Variants in KBTBD2 observed in about 807,000 individuals in gnomAD.
The protein encoded by KBTBD2 is kelch repeat and BTB domain containing 2, also known as kelch repeat and BTB domain-containing protein 2.
A neutral mutation model predicts 57.1 loss-of-function variants in KBTBD2; 17 were observed. The observed-to-expected ratio is 0.30, with a 90% CI of 0.20 to 0.45. The LOEUF (loss-of-function observed/expected upper bound fraction) is 0.45. Ranked by LOEUF, KBTBD2 falls within the 20% of genes least tolerant of loss-of-function variation. The probability of loss-of-function intolerance (pLI) is 1.00; values close to 1 mark genes in which losing one functional copy is unlikely to be tolerated. For missense variants in KBTBD2, 515 were observed against 750.6 expected (o/e 0.69, Z 3.67); for synonymous variants, 267 against 262.7 (o/e 1.02, Z -0.16).
chr7:32,876,343 C>G (rs1199703609), intron 2 of KBTBD2, among the ~76,000 whole-genome samples: 2 of 152,112 alleles, frequency 1.3e-5, no homozygotes, highest in African/African-American at 2.4e-5. Flanking sequence ...AGCAATTGTT[C>G]AAGGGGCATA....
chr7:32,891,905 C>T (rs1235536591), upstream of KBTBD2: 1 of 140,254 alleles, frequency 7.1e-6, no homozygotes, highest in East Asian at 2.1e-4. Context: ...CGCCCCCGCC[C>T]CCGCCGCGCG....
chr7:32,890,096 G>A (rs954846263), intron 1 of KBTBD2, among the ~76,000 whole-genome samples: 5 of 148,748 alleles, frequency 3.4e-5, no homozygotes, highest in African/African-American at 1.3e-4. Context: ...CACTCATAAA[G>A]TCTTCCTACA....
At chr7:32,885,629 C>T (rs1467106601) in intron 1 of KBTBD2, among the ~76,000 whole-genome samples, 3 of 152,052 alleles carry the variant, frequency 2.0e-5, no homozygotes, top group Non-Finnish European at 4.4e-5. Context: ...GTAAGAAAGT[C>T]CTATATTCTA....
chr7:32,886,374 A>G (rs1784582052), intron 1 of KBTBD2, among the ~76,000 whole-genome samples: 1 of 152,238 alleles, frequency 6.6e-6, no homozygotes, highest in Non-Finnish European at 1.5e-5. Context: ...AGTGAATTCC[A>G]ACACATAAAA....
intron 2 of KBTBD2, among the ~76,000 whole-genome samples, chr7:32,877,565 G>A (rs1478896320): frequency 6.6e-6 from 1 of 152,122 alleles, no homozygotes; most frequent in Non-Finnish European, 1.5e-5. Flanking sequence ...TAGATGTATA[G>A]GAGCATTAGA....
In KBTBD2 at chr7:32,879,786, AG is replaced by A; in HGVS notation, c.-183del. 1 of 540,576 alleles carries A rather than the reference AG, an allele frequency of 1.8e-6. No individual in the cohort carries two copies. The highest frequency in any genetic ancestry group is 3.2e-6 in the Non-Finnish European group (1 of 309,900). The allele number at this position is 540,576 out of a possible 1,614,324, so 33.5% of individuals were successfully genotyped here. ...GTTACACAGACTTAGAATCACTCCT[AG>A]GTCATCCTGTGTTAATTAGGTTCTT... On this transcript the variant is annotated 5_prime_UTR_variant, in exon 2 of 4. The change abolishes the stop of an existing upstream ORF in the 5' untranslated region. Transcript: ENST00000304056.
chr7:32,880,188 A>G (rs940122491), intron 1 of KBTBD2, among the ~76,000 whole-genome samples: 2 of 152,208 alleles, frequency 1.3e-5, no homozygotes, highest in Non-Finnish European at 2.9e-5. Flanking sequence ...TGTCACAGAA[A>G]ATAACGAACA....
At chr7:32,891,060 T>G (rs1264447905) in intron 1 of KBTBD2, 2 of 152,184 alleles carry the variant, frequency 1.3e-5, no homozygotes, top group South Asian at 2.1e-4. Flanking sequence ...CGTCTAGACC[T>G]CTCTTGGTTA....
In KBTBD2 at chr7:32,869,266, G is replaced by A. The variant is rs563737994; in HGVS notation, c.*79C>T. On this transcript the variant is annotated 3_prime_UTR_variant, in exon 4 of 4. Coordinates refer to ENST00000304056, the MANE Select transcript of KBTBD2 (RefSeq NM_015483.3). ...ATAGAATTTTATGTACTCATATTTAGTTCTTTCATAGCCTCTTTTGTTTAG... is the reference window on the plus strand; with the variant it reads ...ATAGAATTTTATGTACTCATATTTAATTCTTTCATAGCCTCTTTTGTTTAG... 9.7e-7 allele frequency: 1 copy of A among 1,035,062 alleles called. No individual in the cohort carries two copies. Among genetic ancestry groups the A allele is most frequent in the East Asian group, 2.4e-5 (1 of 41,782 alleles). The allele number at this position is 1,035,062 out of a possible 1,614,324, so 64.1% of individuals were successfully genotyped here. A position where few individuals can be genotyped will look rare whatever the true frequency, so the allele number is the denominator to read the frequency against.
At chr7:32,878,101 G>A (rs1430685488) in intron 2 of KBTBD2, among the ~76,000 whole-genome samples, 7 of 148,014 alleles carry the variant, frequency 4.7e-5, no homozygotes, top group Non-Finnish European at 1.0e-4. Context: ...GACAGATTGC[G>A]ACTGTCTTTA....
chr7:32,873,867 T>TA (rs1409942959), intron 3 of KBTBD2, among the ~76,000 whole-genome samples: 20 of 152,358 alleles, frequency 1.3e-4, no homozygotes, highest in African/African-American at 4.8e-4. Flanking sequence ...ACTACTTAGT[T>TA]TACTGGGTAA....
At chr7:32,880,496 C>T (rs1231163343) in intron 1 of KBTBD2, among the ~76,000 whole-genome samples, 1 of 151,034 alleles carries the variant, frequency 6.6e-6, no homozygotes, top group African/African-American at 2.4e-5. Context: ...TAATTTGTTT[C>T]TTTGTGGAGT....
chr7:32,884,968 A>G lies in KBTBD2; in HGVS notation c.-338-5026T>C, dbSNP rs553350225. On this transcript the variant is annotated intron_variant, in intron 1 of 3. Coordinates refer to ENST00000304056, the MANE Select transcript of KBTBD2 (RefSeq NM_015483.3). ...ATTTCTTTTATATATATATGTGTGTATGTGTGTGTATATATATATATACAC... is the reference window on the plus strand; with the variant it reads ...ATTTCTTTTATATATATATGTGTGTGTGTGTGTGTATATATATATATACAC... 5.0e-4 allele frequency among the ~76,000 whole-genome samples: 67 copies of G among 134,560 alleles called. 1 individual carries two copies. Among genetic ancestry groups the G allele is most frequent in the African/African-American group, 1.6e-3 (58 of 35,492 alleles). 88.3% of individuals were successfully genotyped at this position (134,560 alleles called of 152,430 possible).
chr7:32,877,454 T>C (rs975994874), intron 2 of KBTBD2, among the ~76,000 whole-genome samples: 127 of 152,210 alleles, frequency 8.3e-4, no homozygotes, highest in Non-Finnish European at 1.0e-4. Context: ...ATTAAAACTA[T>C]TATTCAGAGG....
chr7:32,891,138 C>A (rs911714942), intron 1 of KBTBD2: 2 of 152,160 alleles, frequency 1.3e-5, no homozygotes, highest in African/African-American at 4.8e-5. Context: ...ATGTCGCGAA[C>A]ACGTCGCGAG....
chr7:32,875,296 G>A (rs1784285120), intron 2 of KBTBD2, 139 bp from the exon 3 acceptor site: 1 of 731,744 alleles, frequency 1.4e-6, no homozygotes, highest in Non-Finnish European at 2.2e-6. Context: ...TTTTGAGACA[G>A]GGTCTTGCTC....
chr7:32,891,865 A>AGACGCCGGGCCC (rs1325070147), upstream of KBTBD2: 12 of 92,654 alleles, frequency 1.3e-4, no homozygotes, highest in Non-Finnish European at 1.7e-4. Flanking sequence ...CGGGGCCGCG[A>AGACGCCGGGCCC]GACGCCGGGC....
Position 32,869,623 on chromosome 7 carries a change from T to C in KBTBD2, c.1594A>G (p.Asn532Asp), listed in dbSNP as rs768162090. ...DPCVRAVVIS[N>D]SLCVFMRETH... The stretch of plus-strand genomic sequence containing the variant: ...TCTCGCATAAACACACATAGAGAAT[T>C]TGAGATCACAACAGCTCTAACACAG... Residue 532 changes from asparagine (N) to aspartate (D), a missense_variant, in exon 4 of 4, where the codon AAT becomes GAT. By Grantham distance (23) the Asn-to-Asp change is conservative. Transcript: ENST00000304056. The C allele has an allele frequency of 2.5e-5, 41 of 1,614,026 alleles. No individual in the cohort carries two copies. Among genetic ancestry groups the C allele is most frequent in the Non-Finnish European group, 3.4e-5 (40 of 1,180,018 alleles).
upstream of KBTBD2, chr7:32,892,127 CGGAAAGCCAAAACAA>C (rs1784775152): frequency 6.6e-6 from 1 of 152,150 alleles, no homozygotes. Context: ...CGGATGCCAC[CGGAAAGCCAAAACAA>C]TTGGGGCCGC....
Sources: allele counts gnomAD v4.1 joint callset (sites outside exome capture counted in the v4.1 genomes callset), GRCh38; gene constraint gnomAD v4.1.1; transcripts MANE v1.5; gene names NCBI Gene and HGNC (gene_info 2026-07-23, HGNC 2026-07-21).